Variants in DOCK3 observed in about 807,000 individuals in gnomAD.
DOCK3 encodes the protein dedicator of cytokinesis protein 3.
DOCK3 carries 60 observed loss-of-function variants against 265.6 expected under a neutral mutation model. That is an observed-to-expected ratio of 0.23 (90% CI 0.18 to 0.28). The LOEUF (loss-of-function observed/expected upper bound fraction) is 0.28, where lower values mean the gene tolerates loss of function less well. Ranked by LOEUF, DOCK3 falls within the 10% of genes least tolerant of loss-of-function variation. The pLI, the probability that DOCK3 is intolerant of heterozygous loss-of-function variation, is 1.00. For missense variants in DOCK3, 1,981 were observed against 2,594.3 expected (o/e 0.76, Z 5.14); for synonymous variants, 881 against 938.0 (o/e 0.94, Z 1.11).
intron 4 of DOCK3, chr3:50,901,548 T>G (rs561378720): frequency 3.8e-5 from 17 of 445,610 alleles, no homozygotes; most frequent in African/African-American, 3.2e-4. Flanking sequence ...TAGCTCAGTG[T>G]CTGCCCAAAT....
chr3:51,208,876 C>T lies in DOCK3; in HGVS notation c.1126+14C>T, dbSNP rs1345792284. 1.2e-6 allele frequency: 2 copies of T among 1,600,896 alleles called. No homozygotes were observed. Among genetic ancestry groups the T allele is most frequent in the Non-Finnish European group, 1.7e-6 (2 of 1,173,368 alleles). Reference sequence around the variant, plus strand: ...GCGCCAGCCATGGTGAGATACTTCTCTGACTAGAACATTTTGTGTTACATT... The same window carrying T: ...GCGCCAGCCATGGTGAGATACTTCTTTGACTAGAACATTTTGTGTTACATT... On this transcript the variant is annotated intron_variant, in intron 13 of 52. Transcript: ENST00000266037.
At chr3:51,145,800 A>T (rs779069846) in intron 9 of DOCK3, among the ~76,000 whole-genome samples, 1 of 152,012 alleles carries the variant, frequency 6.6e-6, no homozygotes, top group East Asian at 1.9e-4. Context: ...ATGGAAGCCA[A>T]TTTTTCCATA....
At chr3:51,092,797 C>T (rs971636913) in intron 9 of DOCK3, among the ~76,000 whole-genome samples, 2 of 152,150 alleles carry the variant, frequency 1.3e-5, no homozygotes, top group African/African-American at 2.4e-5. Context: ...CCCTCTGGGA[C>T]GAAGCTTCCA....
At chr3:50,974,786 T>C (rs1261056258) in intron 5 of DOCK3, among the ~76,000 whole-genome samples, 1 of 142,974 alleles carries the variant, frequency 7.0e-6, no homozygotes, top group Non-Finnish European at 1.5e-5. Flanking sequence ...GGAATGTTCT[T>C]CCATTTGTTT....
chr3:51,151,216 A>G (rs1213964590), intron 10 of DOCK3, among the ~76,000 whole-genome samples: 1 of 152,194 alleles, frequency 6.6e-6, no homozygotes, highest in African/African-American at 2.4e-5. Context: ...TCTGCACATA[A>G]GATGGGTCTC....
At chr3:50,678,120 C>G (rs549077747) in intron 1 of DOCK3, among the ~76,000 whole-genome samples, 1 of 147,862 alleles carries the variant, frequency 6.8e-6, no homozygotes, top group African/African-American at 2.5e-5. Flanking sequence ...TAATTTTCTT[C>G]TTGGCAGTGG....
At chr3:51,036,333 G>A (rs1229203318) in intron 5 of DOCK3, among the ~76,000 whole-genome samples, 1 of 152,036 alleles carries the variant, frequency 6.6e-6, no homozygotes, top group African/African-American at 2.4e-5. Flanking sequence ...GCAGAACCCT[G>A]GTATCTGGTA....
chr3:50,701,541 CTT>C (rs530941498), intron 1 of DOCK3, among the ~76,000 whole-genome samples: 71 of 152,228 alleles, frequency 4.7e-4, no homozygotes, highest in Admixed American at 8.5e-4. Flanking sequence ...TGTGTTGTCT[CTT>C]TACTCTGTTT....
rs545960686 is a variant in DOCK3, at chr3:50,925,588, A to G, written c.219-8393A>G. ...AAAAAGTTTTATTTAGGAAAGCAGA[A>G]TGGCCATTCAGGGCATACACACAGA... On this transcript the variant is annotated intron_variant, in intron 4 of 52. Transcript: ENST00000266037. Among the ~76,000 whole-genome samples, 5 of 152,262 alleles carry G rather than the reference A, an allele frequency of 3.3e-5. No individual in the cohort carries two copies. In the East Asian group the frequency reaches 9.7e-4, roughly 29 times the overall value.
intron 4 of DOCK3, among the ~76,000 whole-genome samples, chr3:50,932,452 T>C (rs2051122211): frequency 6.6e-6 from 1 of 152,190 alleles, no homozygotes; most frequent in Non-Finnish European, 1.5e-5. Flanking sequence ...TACCTCAATA[T>C]ATCAGTATAT....
chr3:51,356,466 G>A lies in DOCK3; in HGVS notation c.4476G>A (p.Arg1492=). ...CCCACAGCTTGCCTGGCATCTCTCG[G>A]TGGTTTGAAGTGGAGAGGAGGGAAC... The part of the protein sequence containing the change: ...TLTHSLPGIS[R]WFEVERRELV... The change falls in exon 43 of 53, where the codon CGG becomes CGA. Residue 1492 remains arginine (R), a synonymous_variant. Transcript: ENST00000266037. 1 of 1,613,462 alleles carries A rather than the reference G, an allele frequency of 6.2e-7. No homozygotes were observed. The highest frequency in any genetic ancestry group is 8.5e-7 in the Non-Finnish European group (1 of 1,179,830).
intron 12 of DOCK3, among the ~76,000 whole-genome samples, chr3:51,193,817 T>TC (rs1318222858): frequency 4.0e-5 from 6 of 150,432 alleles, no homozygotes; most frequent in East Asian, 3.9e-4. Context: ...TTTTTTTTTT[T>TC]CTTGGTTAGT....
intron 1 of DOCK3, among the ~76,000 whole-genome samples, chr3:50,720,199 C>T (rs1212450783): frequency 1.3e-5 from 2 of 151,806 alleles, no homozygotes; most frequent in Admixed American, 6.6e-5. Context: ...AGGTAAATTG[C>T]GTGTTATGGA....
chr3:50,861,315 A>G (rs1450760786), intron 3 of DOCK3, among the ~76,000 whole-genome samples: 7 of 152,042 alleles, frequency 4.6e-5, no homozygotes, highest in Non-Finnish European at 1.5e-5. Flanking sequence ...AGCCACATAC[A>G]CTAGCTTCTT....
chr3:51,375,334 T>G (rs1174574006), intron 50 of DOCK3, among the ~76,000 whole-genome samples: 1 of 152,198 alleles, frequency 6.6e-6, no homozygotes, highest in African/African-American at 2.4e-5. Flanking sequence ...ATACTGTCCT[T>G]TCCTCTGCCT....
rs35390396 is a variant in DOCK3 at position 51,288,391 on chromosome 3, C to CA, written c.2922+8208dup. ...TAGGTGACAAAGTGAGACTCCGTCTCAAAAAAAAAAAAAAAAAAAAATTAA... is the reference window on the plus strand; with the variant it reads ...TAGGTGACAAAGTGAGACTCCGTCTCAAAAAAAAAAAAAAAAAAAAAATTAA... On this transcript the variant is annotated intron_variant, in intron 27 of 52. Coordinates refer to ENST00000266037, the MANE Select transcript of DOCK3 (RefSeq NM_004947.5). 6.7e-3 allele frequency among the ~76,000 whole-genome samples: 586 copies of CA among 87,152 alleles called. 9 individuals are homozygous for CA. The highest frequency in any genetic ancestry group is 0.016 in the African/African-American group (372 of 22,988). The allele number at this position is 87,152 out of a possible 152,430, so 57.2% of individuals were successfully genotyped here. A position where few individuals can be genotyped will look rare whatever the true frequency, so the allele number is the denominator to read the frequency against.
At chr3:51,077,196 C>T (rs1276412785) in intron 7 of DOCK3, among the ~76,000 whole-genome samples, 1 of 151,966 alleles carries the variant, frequency 6.6e-6, no homozygotes, top group African/African-American at 2.4e-5. Flanking sequence ...TTTTGATGAT[C>T]AATTAGATAT....
At position 51,198,630 on chromosome 3, in the gene DOCK3, T is replaced by A. The variant is rs2088479009; in HGVS notation, c.1038-10144T>A. Among the ~76,000 whole-genome samples, 5 of 151,346 alleles carry A rather than the reference T, an allele frequency of 3.3e-5. 1 individual carries two copies. Among genetic ancestry groups the A allele is most frequent in the Admixed American group, 3.3e-4 (5 of 15,198 alleles). ...GGGAGGGATGGAGCTAGTGAGACTA[T>A]GACTAATACAATCTGTGTGCATTTC... On this transcript the variant is annotated intron_variant, in intron 12 of 52. Coordinates refer to ENST00000266037, the MANE Select transcript of DOCK3 (RefSeq NM_004947.5).
At chr3:51,111,943 A>G (rs1485364318) in intron 9 of DOCK3, among the ~76,000 whole-genome samples, 1 of 152,256 alleles carries the variant, frequency 6.6e-6, no homozygotes, top group Non-Finnish European at 1.5e-5. Context: ...GCCAAGAAGC[A>G]TATGAAAAAT....
Sources: gnomAD v4.1 joint callset for allele counts (sites outside exome capture counted in the v4.1 genomes callset) on GRCh38, gnomAD v4.1.1 for gene constraint, MANE v1.5 for transcripts, NCBI Gene and HGNC (gene_info 2026-07-23, HGNC 2026-07-21) for gene names.